The following GNG2 variants were observed in gnomAD, a reference collection of about 807,000 sequenced individuals.
GNG2 encodes the protein G protein subunit gamma 2, also known as guanine nucleotide-binding protein G(I)/G(S)/G(O) subunit gamma-2.
Under a neutral mutation model 5.5 loss-of-function variants are expected in GNG2, and 5 were observed. That is an observed-to-expected ratio of 0.91 (90% confidence interval 0.48 to 1.92). The LOEUF is 1.92. Among genes scored for constraint, GNG2 ranks in the 30% most tolerant of loss-of-function variants. GNG2 has a pLI of 0.01. For synonymous variants in GNG2, 28 were observed against 32.0 expected, an observed-to-expected ratio of 0.88 and a Z score of 0.42; for missense variants, 55 against 88.4, an observed-to-expected ratio of 0.62 and a Z score of 1.52.
At chr14:51,925,813 G>A (rs1887278694) in intron 2 of GNG2, among the ~76,000 whole-genome samples, 1 of 151,768 alleles carries the variant, frequency 6.6e-6, no homozygotes, top group East Asian at 1.9e-4. Flanking sequence ...GTAGAAATGG[G>A]GTTTCACCAT....
At chr14:51,949,166 G>C (rs72678152) in intron 2 of GNG2, among the ~76,000 whole-genome samples, 52,215 of 150,598 alleles carry the variant, frequency 0.35, 9,555 homozygotes, top group Middle Eastern at 0.42. Flanking sequence ...AATTAATTAT[G>C]CTCCAATTTA....
At chr14:51,964,814 C>T (rs1367041722) in intron 3 of GNG2, among the ~76,000 whole-genome samples, 1 of 152,122 alleles carries the variant, frequency 6.6e-6, no homozygotes, top group Non-Finnish European at 1.5e-5. Context: ...CGTTCAAGAC[C>T]AGCATGGGCA....
intron 2 of GNG2, among the ~76,000 whole-genome samples, chr14:51,894,281 T>G (rs1885047170): frequency 6.6e-6 from 1 of 152,152 alleles, no homozygotes; most frequent in Admixed American, 6.5e-5. Flanking sequence ...ATAAAGATTT[T>G]TGCTTCGTTT....
chr14:51,963,649 A>G (rs189524849), intron 3 of GNG2, among the ~76,000 whole-genome samples: 74 of 152,324 alleles, frequency 4.9e-4, no homozygotes, highest in African/African-American at 1.7e-3. Context: ...CCCACATTTG[A>G]GTAGTTTATA....
intron 2 of GNG2, among the ~76,000 whole-genome samples, chr14:51,907,890 G>T (rs538240648): frequency 6.6e-6 from 1 of 152,318 alleles, no homozygotes; most frequent in East Asian, 1.9e-4. Flanking sequence ...GTGAGACTAG[G>T]CTTAGAGTAT....
intron 2 of GNG2, among the ~76,000 whole-genome samples, chr14:51,945,025 A>G (rs1275245134): frequency 6.6e-6 from 1 of 152,234 alleles, no homozygotes; most frequent in African/African-American, 2.4e-5. Context: ...ACACATGAAA[A>G]GATGCTCAAT....
chr14:51,874,885 C>T (rs1883554388), intron 1 of GNG2, among the ~76,000 whole-genome samples: 1 of 152,152 alleles, frequency 6.6e-6, no homozygotes, highest in African/African-American at 2.4e-5. Context: ...AAAGAAGATA[C>T]ATGTTTCCCA....
chr14:51,937,877 C>CAG (rs1888104568), intron 2 of GNG2, among the ~76,000 whole-genome samples: 1 of 152,160 alleles, frequency 6.6e-6, no homozygotes, highest in Non-Finnish European at 1.5e-5. Flanking sequence ...ATATAAGATA[C>CAG]AGGCCTGAAG....
chr14:51,830,954 C>A (rs1488672591), intron 2 of GNG2, among the ~76,000 whole-genome samples: 2 of 152,206 alleles, frequency 1.3e-5, no homozygotes, highest in African/African-American at 4.8e-5. Context: ...GTTTCTCCAC[C>A]CTATTTGTCT....
intron 2 of GNG2, chr14:51,914,150 G>A: frequency 1.4e-6 from 1 of 691,040 alleles, no homozygotes; most frequent in Non-Finnish European, 2.6e-6. Context: ...TGGGGGAATG[G>A]AGTCATTCCA....
intron 2 of GNG2, among the ~76,000 whole-genome samples, chr14:51,923,136 T>C (rs1887114507): frequency 6.6e-6 from 1 of 152,200 alleles, no homozygotes; most frequent in South Asian, 2.1e-4. Context: ...CAGGAAATGC[T>C]TGGAGCCTGT....
chr14:51,888,074 A>G (rs1007517961), intron 2 of GNG2, among the ~76,000 whole-genome samples: 2 of 152,196 alleles, frequency 1.3e-5, no homozygotes, highest in Non-Finnish European at 2.9e-5. Flanking sequence ...GCATACACCC[A>G]TGAAACCATC....
chr14:51,890,221 C>T (rs1021977128), intron 2 of GNG2, among the ~76,000 whole-genome samples: 5 of 152,178 alleles, frequency 3.3e-5, no homozygotes, highest in African/African-American at 1.2e-4. Flanking sequence ...CGCTCAACTG[C>T]TGTGAATCAG....
intron 1 of GNG2, among the ~76,000 whole-genome samples, chr14:51,863,893 G>T (rs1882689958): frequency 6.6e-6 from 1 of 152,290 alleles, no homozygotes; most frequent in Middle Eastern, 3.4e-3. Flanking sequence ...TCCATTGAAT[G>T]TATAGACTAT....
At chr14:51,934,740 C>G (rs1887870472) in intron 2 of GNG2, among the ~76,000 whole-genome samples, 1 of 152,190 alleles carries the variant, frequency 6.6e-6, no homozygotes, top group Non-Finnish European at 1.5e-5. Flanking sequence ...ATCTTCATGT[C>G]TCTGCTACTT....
intron 1 of GNG2, among the ~76,000 whole-genome samples, chr14:51,876,980 C>T (rs1228830086): frequency 1.3e-5 from 2 of 152,126 alleles, no homozygotes; most frequent in Admixed American, 1.3e-4. Flanking sequence ...GAACTTTCTC[C>T]CGTAGGAACC....
At chr14:51,844,194 T>C (rs572598357) in intron 2 of GNG2, among the ~76,000 whole-genome samples, 2 of 152,248 alleles carry the variant, frequency 1.3e-5, no homozygotes, top group Non-Finnish European at 2.9e-5. Context: ...CAGCTGTGTG[T>C]TCCTGTCACT....
At chr14:51,925,673 A>G (rs528533942) in intron 2 of GNG2, among the ~76,000 whole-genome samples, 3 of 152,216 alleles carry the variant, frequency 2.0e-5, no homozygotes, top group East Asian at 3.9e-4. Flanking sequence ...GTGCAGTGGC[A>G]TCATCTCAGC....
intron 2 of GNG2, among the ~76,000 whole-genome samples, chr14:51,900,444 T>A (rs1885475029): frequency 6.6e-6 from 1 of 151,666 alleles, no homozygotes; most frequent in Admixed American, 6.6e-5. Context: ...AATGTGGAAA[T>A]GAGATTGCCA....
Sources: allele counts gnomAD v4.1 joint callset (sites outside exome capture counted in the v4.1 genomes callset), GRCh38; gene constraint gnomAD v4.1.1; transcripts MANE v1.5; gene names NCBI Gene and HGNC (gene_info 2026-07-23, HGNC 2026-07-21).